ITGB3: variants seen among roughly 807,000 people sequenced by gnomAD.
The protein encoded by ITGB3 is integrin subunit beta 3, also known as integrin beta-3.
Under a neutral mutation model 85.8 loss-of-function variants are expected in ITGB3, and 48 were observed. The observed-to-expected ratio is 0.56, with a 90% CI of 0.44 to 0.71. The LOEUF (loss-of-function observed/expected upper bound fraction) is 0.71, where lower values mean the gene tolerates loss of function less well. ITGB3 is among the 30% of genes least tolerant of loss of function. The pLI is 0.00. For missense variants in ITGB3, 861 were observed against 1,019.1 expected, an observed-to-expected ratio of 0.84 and a Z score of 2.11; for synonymous variants, 363 against 395.6, an observed-to-expected ratio of 0.92 and a Z score of 0.98.
rs11870252 is a variant in ITGB3 at position 47,300,459 on chromosome 17, T to C, written c.1914-19T>C. On this transcript the variant is annotated intron_variant, in intron 11 of 14. Transcript: ENST00000559488. Reference sequence around the variant, plus strand: ...CTTGCTCCTTCTTTGCCTTAATCACTGTGTCCTCTCTCCTTCAGAGAATGT... The same window carrying C: ...CTTGCTCCTTCTTTGCCTTAATCACCGTGTCCTCTCTCCTTCAGAGAATGT... The C allele has an allele frequency of 0.078, 123,624 of 1,594,948 alleles. 5,629 individuals carry two copies. Among genetic ancestry groups the C allele is most frequent in the East Asian group, 0.19 (8,376 of 44,768 alleles).
At chr17:47,304,190 G>A (rs1441380024) in intron 13 of ITGB3, among the ~76,000 whole-genome samples, 5 of 152,038 alleles carry the variant, frequency 3.3e-5, no homozygotes. Flanking sequence ...CAACACACAG[G>A]GCCAACATTT....
At chr17:47,307,413 A>G in intron 13 of ITGB3, 58 bp from the exon 14 acceptor site, 1 of 1,589,136 alleles carries the variant, frequency 6.3e-7, no homozygotes, top group Non-Finnish European at 8.6e-7. Flanking sequence ...TTTCATAGCC[A>G]GTTCAAGTGA....
chr17:47,255,990 A>C (rs892692758), intron 1 of ITGB3, among the ~76,000 whole-genome samples: 7 of 151,956 alleles, frequency 4.6e-5, no homozygotes, highest in African/African-American at 1.2e-4. Context: ...TAAATAAATA[A>C]ATAAATACAT....
chr17:47,284,413 G>A lies in ITGB3; in HGVS notation c.362-30G>A, dbSNP rs147055245. Reference sequence around the variant, plus strand: ...TTATTCAATCTTGGTGGGAGAAGAAGATAAAAACTAACATCTTTCTGCCTT... The same window carrying A: ...TTATTCAATCTTGGTGGGAGAAGAAAATAAAAACTAACATCTTTCTGCCTT... On this transcript the variant is annotated intron_variant, in intron 3 of 14. Coordinates refer to ENST00000559488, the MANE Select transcript of ITGB3 (RefSeq NM_000212.3). 11,334 of 1,613,850 alleles carry A rather than the reference G, an allele frequency of 7.0e-3. 167 individuals carry two copies. The highest frequency in any genetic ancestry group is 0.048 in the South Asian group (4,390 of 91,038).
chr17:47,258,722 C>T (rs184696202), intron 1 of ITGB3, among the ~76,000 whole-genome samples: 71 of 152,250 alleles, frequency 4.7e-4, no homozygotes, highest in Non-Finnish European at 8.7e-4. Flanking sequence ...GGATTACAGG[C>T]GTGAGCTACT....
At chr17:47,294,513 A>G (rs2143118811) in intron 10 of ITGB3, among the ~76,000 whole-genome samples, 1 of 152,340 alleles carries the variant, frequency 6.6e-6, no homozygotes, top group Admixed American at 6.5e-5. Flanking sequence ...GCCTCTCACC[A>G]GTGCAAGAAC....
At chr17:47,288,206 A>AAGAG (rs200536313) in intron 6 of ITGB3, among the ~76,000 whole-genome samples, 2,612 of 134,862 alleles carry the variant, frequency 0.019, 24 homozygotes, top group African/African-American at 0.032. Context: ...TTCTCTTAGA[A>AAGAG]AGAGAGAGAG....
intron 2 of ITGB3, 52 bp downstream of exon 2, chr17:47,274,556 T>C: frequency 6.7e-7 from 1 of 1,498,000 alleles, no homozygotes. Context: ...GCTGCTTTTG[T>C]GCAGAAACAG....
chr17:47,301,542 A>G (rs2065167317), intron 12 of ITGB3, among the ~76,000 whole-genome samples: 1 of 151,452 alleles, frequency 6.6e-6, no homozygotes. Flanking sequence ...CAGAGAGGAG[A>G]GGCTGCTGAG....
At chr17:47,296,521 A>T (rs752331757) in intron 10 of ITGB3, among the ~76,000 whole-genome samples, 3 of 152,212 alleles carry the variant, frequency 2.0e-5, no homozygotes, top group Non-Finnish European at 4.4e-5. Flanking sequence ...GGCATGAGCC[A>T]CCATGCTTGG....
chr17:47,287,277 G>T (rs973283191), intron 6 of ITGB3, 46 bp downstream of exon 6: 2 of 1,606,860 alleles, frequency 1.2e-6, no homozygotes, highest in African/African-American at 1.3e-5. Flanking sequence ...TGATTGTGAG[G>T]GTTGCCCTAA....
intron 13 of ITGB3, among the ~76,000 whole-genome samples, chr17:47,304,996 G>A (rs1001673144): frequency 1.3e-5 from 2 of 152,178 alleles, no homozygotes; most frequent in African/African-American, 2.4e-5. Context: ...CACCGCTGTG[G>A]CTGGAAGGGC....
intron 10 of ITGB3, among the ~76,000 whole-genome samples, chr17:47,294,746 A>G (rs988736118): frequency 1.3e-5 from 2 of 152,216 alleles, no homozygotes; most frequent in Non-Finnish European, 2.9e-5. Context: ...ACAAGGGGTC[A>G]TGCATGATCC....
intron 1 of ITGB3, 55 bp downstream of exon 1, chr17:47,253,995 G>C: frequency 8.6e-7 from 1 of 1,165,518 alleles, no homozygotes. Flanking sequence ...CTGCGCCCCG[G>C]TCAAGTTGCG....
At chr17:47,266,736 C>A (rs2065027093) in intron 1 of ITGB3, among the ~76,000 whole-genome samples, 2 of 152,006 alleles carry the variant, frequency 1.3e-5, no homozygotes, top group African/African-American at 2.4e-5. Context: ...TGCTACCATG[C>A]CCAGCTAATT....
intron 10 of ITGB3, among the ~76,000 whole-genome samples, chr17:47,293,620 T>C (rs1190607512): frequency 6.6e-6 from 1 of 152,126 alleles, no homozygotes; most frequent in Non-Finnish European, 1.5e-5. Flanking sequence ...GGGTTCTTTT[T>C]TTTTTTTGAG....
chr17:47,261,458 A>G (rs980071216), intron 1 of ITGB3, among the ~76,000 whole-genome samples: 12 of 151,696 alleles, frequency 7.9e-5, no homozygotes, highest in African/African-American at 2.4e-4. Flanking sequence ...TTGTCAACAT[A>G]TATAATTATT....
intron 10 of ITGB3, among the ~76,000 whole-genome samples, chr17:47,295,779 T>TG (rs34373515): frequency 3.2e-4 from 18 of 55,932 alleles, no homozygotes; most frequent in East Asian, 1.0e-3. Flanking sequence ...GGGGGGCGGG[T>TG]GGGGGGGCAG....
At chr17:47,305,499 G>A (rs2065184191) in intron 13 of ITGB3, 1 of 152,216 alleles carries the variant, frequency 6.6e-6, no homozygotes. Flanking sequence ...GAGGTTACTG[G>A]AATAAGATCA....
Sources: allele counts gnomAD v4.1 joint callset (sites outside exome capture counted in the v4.1 genomes callset), GRCh38; gene constraint gnomAD v4.1.1; transcripts MANE v1.5; gene names NCBI Gene and HGNC (gene_info 2026-07-23, HGNC 2026-07-21).